PKIB: variants seen among roughly 807,000 people sequenced by gnomAD.
PKIB encodes PKI-beta.
Under a neutral mutation model 4.5 loss-of-function variants are expected in PKIB, and 2 were observed. That is an observed-to-expected ratio of 0.44 (90% CI 0.18 to 1.39). PKIB has a LOEUF of 1.39. PKIB is among the 40% of genes most tolerant of loss of function. PKIB has a pLI of 0.27. For synonymous variants in PKIB, 38 were observed against 36.0 expected, an observed-to-expected ratio of 1.06 and a Z score of -0.20; for missense variants, 94 against 92.6, an observed-to-expected ratio of 1.02 and a Z score of -0.06.
At chr6:122,628,831 C>T (rs932937473) in intron 1 of PKIB, among the ~76,000 whole-genome samples, 3 of 152,152 alleles carry the variant, frequency 2.0e-5, no homozygotes, top group African/African-American at 7.2e-5. Flanking sequence ...CAATTTCTTT[C>T]CAGTTGCATG....
intron 2 of PKIB, among the ~76,000 whole-genome samples, chr6:122,653,067 C>T (rs775922948): frequency 6.6e-6 from 1 of 152,128 alleles, no homozygotes; most frequent in Non-Finnish European, 1.5e-5. Flanking sequence ...GCTAATTCTG[C>T]TAATAGGTTT....
chr6:122,650,159 G>A (rs1776493447), intron 2 of PKIB, among the ~76,000 whole-genome samples: 1 of 152,040 alleles, frequency 6.6e-6, no homozygotes, highest in Non-Finnish European at 1.5e-5. Flanking sequence ...ACAACTTAAT[G>A]TTTACTTTAG....
chr6:122,650,063 G>A (rs570388099), intron 2 of PKIB, among the ~76,000 whole-genome samples: 1 of 152,224 alleles, frequency 6.6e-6, no homozygotes, highest in African/African-American at 2.4e-5. Context: ...GTAGTACACC[G>A]AAATAAAGAA....
intron 2 of PKIB, among the ~76,000 whole-genome samples, chr6:122,504,787 AT>A (rs1776347793): frequency 6.6e-6 from 1 of 152,228 alleles, no homozygotes; most frequent in South Asian, 2.1e-4. Context: ...AGTACATAAA[AT>A]GTGTTGGTTT....
At chr6:122,719,628 G>A (rs1008587909) in intron 4 of PKIB, among the ~76,000 whole-genome samples, 1 of 151,938 alleles carries the variant, frequency 6.6e-6, no homozygotes, top group Non-Finnish European at 1.5e-5. Context: ...GGGATCTATT[G>A]TAGCAACATG....
intron 2 of PKIB, among the ~76,000 whole-genome samples, chr6:122,519,185 A>G (rs1776858769): frequency 6.6e-6 from 1 of 152,106 alleles, no homozygotes; most frequent in African/African-American, 2.4e-5. Flanking sequence ...CTAGAGTCTC[A>G]TAGGACAGTG....
At chr6:122,569,562 C>G (rs1325396160) in intron 2 of PKIB, among the ~76,000 whole-genome samples, 1 of 152,230 alleles carries the variant, frequency 6.6e-6, no homozygotes, top group Non-Finnish European at 1.5e-5. Context: ...ACCAAGGAAT[C>G]TCACAGAGTC....
intron 2 of PKIB, chr6:122,493,332 G>A (rs1338542582): frequency 6.6e-6 from 1 of 152,222 alleles, no homozygotes; most frequent in African/African-American, 2.4e-5. Flanking sequence ...CACCATCTGT[G>A]AACCAGAAAG....
At chr6:122,471,985 G>A (rs1448737394) in exon 1 of PKIB, 7 of 906,654 alleles carry the variant, frequency 7.7e-6, no homozygotes, top group Non-Finnish European at 1.1e-5. Context: ...AGGACTGCTG[G>A]CTGGAAACTT....
At chr6:122,609,121 C>T (rs541988863), upstream of PKIB, among the ~76,000 whole-genome samples, 6 of 152,302 alleles carry the variant, frequency 3.9e-5, no homozygotes, top group Non-Finnish European at 7.3e-5. Flanking sequence ...GGTGCAGAAG[C>T]TACTGCAGTT....
intron 3 of PKIB, among the ~76,000 whole-genome samples, chr6:122,682,498 G>A (rs1777935394): frequency 6.6e-6 from 1 of 152,030 alleles, no homozygotes; most frequent in Admixed American, 6.6e-5. Context: ...CATATATTCT[G>A]AATCAATGGA....
chr6:122,726,099 A>G lies in PKIB; in HGVS notation c.*904A>G, dbSNP rs1779942123. ...GGCACTTAAGCATTTAGTCAATGATATTGGTAGAAATAGTAAAATACATCC... is the reference window on the plus strand; with the variant it reads ...GGCACTTAAGCATTTAGTCAATGATGTTGGTAGAAATAGTAAAATACATCC... On this transcript the variant is annotated 3_prime_UTR_variant, in exon 5 of 5. Transcript: ENST00000368452. 1 of 152,092 alleles carries G rather than the reference A, an allele frequency of 6.6e-6. No individual in the cohort carries two copies. The highest frequency in any genetic ancestry group is 2.4e-5 in the African/African-American group (1 of 41,422). 9.4% of individuals were successfully genotyped at this position (152,092 alleles called of 1,614,324 possible). A position where few individuals can be genotyped will look rare whatever the true frequency, so the allele number is the denominator to read the frequency against.
At chr6:122,576,279 C>T (rs1050317105) in intron 2 of PKIB, among the ~76,000 whole-genome samples, 37 of 150,068 alleles carry the variant, frequency 2.5e-4, no homozygotes, top group African/African-American at 9.1e-4. Flanking sequence ...GCAGGCGGAT[C>T]ACGAGGTCAG....
chr6:122,546,906 A>T (rs957304711), intron 2 of PKIB, among the ~76,000 whole-genome samples: 1 of 152,146 alleles, frequency 6.6e-6, no homozygotes, highest in South Asian at 2.1e-4. Flanking sequence ...ACTTTCACAC[A>T]TAACGTAATA....
intron 2 of PKIB, among the ~76,000 whole-genome samples, chr6:122,492,977 T>C (rs1177837913): frequency 6.6e-6 from 1 of 152,176 alleles, no homozygotes; most frequent in Non-Finnish European, 1.5e-5. Context: ...AGGTTTTGTG[T>C]CCCAGTAGAT....
chr6:122,533,430 C>T (rs577650707), intron 2 of PKIB, among the ~76,000 whole-genome samples: 405 of 152,194 alleles, frequency 2.7e-3, no homozygotes, highest in Non-Finnish European at 4.2e-3. Flanking sequence ...TCCACTTGGC[C>T]GACCACTGTG....
chr6:122,675,999 C>T (rs948297470), intron 3 of PKIB, among the ~76,000 whole-genome samples: 17 of 151,812 alleles, frequency 1.1e-4, no homozygotes, highest in Admixed American at 1.3e-4. Context: ...GGATAAGGGA[C>T]GGTTTTGGGA....
At chr6:122,691,065 G>T (rs1212872828) in intron 3 of PKIB, among the ~76,000 whole-genome samples, 5 of 151,270 alleles carry the variant, frequency 3.3e-5, no homozygotes, top group Admixed American at 2.0e-4. Context: ...ACATATTGGT[G>T]CTCCATTATA....
chr6:122,680,775 C>T (rs1041376196), intron 3 of PKIB, among the ~76,000 whole-genome samples: 1 of 152,238 alleles, frequency 6.6e-6, no homozygotes, highest in Non-Finnish European at 1.5e-5. Flanking sequence ...CCTAACTCAT[C>T]TCTTGAACCA....
Sources: gnomAD v4.1 joint callset for allele counts (sites outside exome capture counted in the v4.1 genomes callset) on GRCh38, gnomAD v4.1.1 for gene constraint, MANE v1.5 for transcripts, NCBI Gene and HGNC (gene_info 2026-07-23, HGNC 2026-07-21) for gene names.